Variants in ZNF521 observed in about 807,000 individuals in gnomAD.
ZNF521 encodes the protein zinc finger protein 521, also known as LYST-interacting protein 3.
A neutral mutation model predicts 105.5 loss-of-function variants in ZNF521; 14 were observed. The ratio of observed to expected loss-of-function variants is 0.13; its 90% confidence interval spans 0.09 to 0.21. The LOEUF is 0.21. Among genes scored for constraint, ZNF521 ranks in the 10% least tolerant of loss-of-function variants. The pLI is 1.00. For synonymous variants in ZNF521, 635 were observed against 606.0 expected, an observed-to-expected ratio of 1.05 and a Z score of -0.70; for missense variants, 1,233 against 1,629.7, an observed-to-expected ratio of 0.76 and a Z score of 4.19.
At chr18:25,279,165 G>C (rs1251910460) in intron 3 of ZNF521, among the ~76,000 whole-genome samples, 1 of 152,192 alleles carries the variant, frequency 6.6e-6, no homozygotes, top group Non-Finnish European at 1.5e-5. Context: ...ACAGGAGAGA[G>C]AGTGGCATTG....
chr18:25,139,338 A>C (rs1380092813), intron 5 of ZNF521, among the ~76,000 whole-genome samples: 2 of 132,422 alleles, frequency 1.5e-5, no homozygotes, highest in African/African-American at 2.8e-5. Context: ...ACACCACTGC[A>C]CTCTAGCCTG....
intron 3 of ZNF521, among the ~76,000 whole-genome samples, chr18:25,291,761 C>A (rs868255032): frequency 6.6e-6 from 1 of 152,046 alleles, no homozygotes; most frequent in Non-Finnish European, 1.5e-5. Flanking sequence ...ACAACATAAG[C>A]CTCTACAAGT....
At chr18:25,073,108 T>C (rs1302689022) in intron 7 of ZNF521, among the ~76,000 whole-genome samples, 1 of 152,068 alleles carries the variant, frequency 6.6e-6, no homozygotes, top group Non-Finnish European at 1.5e-5. Context: ...CTCCGCCAGC[T>C]CTCGGTGCAC....
intron 5 of ZNF521, among the ~76,000 whole-genome samples, chr18:25,132,562 T>C (rs138674661): frequency 1.3e-3 from 205 of 152,316 alleles, no homozygotes; most frequent in Non-Finnish European, 2.3e-3. Flanking sequence ...CACTGCTGGC[T>C]GTGCTTTACA....
intron 3 of ZNF521, among the ~76,000 whole-genome samples, chr18:25,304,483 CTT>C: frequency 6.6e-6 from 1 of 152,292 alleles, no homozygotes; most frequent in African/African-American, 2.4e-5. Context: ...ACCTACAGCA[CTT>C]TTTACACACA....
intron 4 of ZNF521, 182 bp downstream of exon 4, chr18:25,224,163 G>T: frequency 1.6e-6 from 1 of 630,174 alleles, no homozygotes; most frequent in Non-Finnish European, 2.8e-6. Context: ...AAGCCAAAAT[G>T]CTGCTTATCA....
chr18:25,267,207 C>T (rs1054532370), intron 3 of ZNF521, among the ~76,000 whole-genome samples: 1 of 152,104 alleles, frequency 6.6e-6, no homozygotes. Context: ...AAGGCCTCTG[C>T]GGCCAGACTG....
intron 2 of ZNF521, among the ~76,000 whole-genome samples, chr18:25,341,440 A>T (rs1914195196): frequency 6.6e-6 from 1 of 152,178 alleles, no homozygotes; most frequent in Non-Finnish European, 1.5e-5. Flanking sequence ...AATTTAGAAA[A>T]TTAATTAGCT....
At chr18:25,073,157 C>T (rs1567949102) in intron 7 of ZNF521, among the ~76,000 whole-genome samples, 3 of 152,042 alleles carry the variant, frequency 2.0e-5, no homozygotes, top group Admixed American at 2.0e-4. Flanking sequence ...TTCAAGCATC[C>T]CCTTCCCAGT....
rs577887121 is a variant in ZNF521 at position 25,164,121 on chromosome 18, G to A, written c.3658+31039C>T. Among the ~76,000 whole-genome samples the A allele has an allele frequency of 8.5e-5, 13 of 152,306 alleles. No individual in the cohort carries two copies. In the East Asian group the frequency reaches 1.5e-3, roughly 18 times the overall value. On this transcript the variant is annotated intron_variant, in intron 5 of 7. Coordinates refer to ENST00000361524, the MANE Select transcript of ZNF521 (RefSeq NM_015461.3). ...AATGTGAAAGTGAAGCTAACAATTG[G>A]TATTTGTTCTAGGGTGGTATCCCCC...
At chr18:25,242,162 G>A (rs1907382038) in intron 3 of ZNF521, among the ~76,000 whole-genome samples, 1 of 152,064 alleles carries the variant, frequency 6.6e-6, no homozygotes, top group Non-Finnish European at 1.5e-5. Context: ...ATTATTCAAG[G>A]AGCAATTTGG....
chr18:25,163,721 G>A (rs2035288998), intron 5 of ZNF521, among the ~76,000 whole-genome samples: 2 of 152,114 alleles, frequency 1.3e-5, no homozygotes, highest in Non-Finnish European at 2.9e-5. Context: ...ATTTTGCCAA[G>A]TGAAAAAAAG....
chr18:25,346,576 G>A lies in ZNF521; in HGVS notation c.40+4331C>T, dbSNP rs188211825. ...GTTTACATTTCTTCTTTAAATTGCA[G>A]ACTAAGTTTTGCCACTCTATTACAT... On this transcript the variant is annotated intron_variant, in intron 2 of 7. Transcript: ENST00000361524. 2.5e-3 allele frequency among the ~76,000 whole-genome samples: 383 copies of A among 152,180 alleles called. 2 individuals carry two copies. The highest frequency in any genetic ancestry group is 2.4e-3 in the Non-Finnish European group (162 of 68,016).
intron 2 of ZNF521, among the ~76,000 whole-genome samples, chr18:25,337,903 T>C (rs1032372734): frequency 2.0e-5 from 3 of 152,246 alleles, no homozygotes; most frequent in Admixed American, 6.5e-5. Context: ...CAATGGATAC[T>C]GCAAAGTCAT....
At chr18:25,093,699 C>T (rs537851983) in intron 5 of ZNF521, among the ~76,000 whole-genome samples, 25 of 152,248 alleles carry the variant, frequency 1.6e-4, no homozygotes, top group African/African-American at 6.0e-4. Flanking sequence ...GAGATAAAAA[C>T]CTACTCTGTA....
At chr18:25,282,312 G>A (rs1182144142) in intron 3 of ZNF521, among the ~76,000 whole-genome samples, 1 of 152,148 alleles carries the variant, frequency 6.6e-6, no homozygotes, top group African/African-American at 2.4e-5. Flanking sequence ...AGAGGAGTAG[G>A]GAGAAGCAGG....
intron 3 of ZNF521, among the ~76,000 whole-genome samples, chr18:25,298,464 A>C (rs1911446238): frequency 6.6e-6 from 1 of 152,204 alleles, no homozygotes; most frequent in South Asian, 2.1e-4. Flanking sequence ...AGTCTCAAAT[A>C]AAGTGATGCA....
intron 5 of ZNF521, among the ~76,000 whole-genome samples, chr18:25,095,591 T>C (rs1032498272): frequency 6.6e-6 from 1 of 152,130 alleles, no homozygotes; most frequent in South Asian, 2.1e-4. Flanking sequence ...ATTTGCCTTG[T>C]AGGGTACTTT....
Position 25,322,151 on chromosome 18 carries a change from C to T in ZNF521, c.77G>A (p.Gly26Glu). The change falls in exon 3 of 8, where the codon GGA becomes GAA. Residue 26 changes from glycine (G) to glutamate (E), a missense_variant. By Grantham distance (98) the Gly-to-Glu change is moderately conservative (BLOSUM62 -2). Transcript: ENST00000361524. Reference sequence around the variant, plus strand: ...CCTCTTCTTACAATCTAGTGCCTCTCCATCTTCAGTCTTGTCTTCAAGTTT... The same window carrying T: ...CCTCTTCTTACAATCTAGTGCCTCTTCATCTTCAGTCTTGTCTTCAAGTTT... ...NCKLEDKTED[G>E]EALDCKKRPE... 6.2e-7 allele frequency: 1 copy of T among 1,614,156 alleles called. No homozygotes were observed. The highest frequency in any genetic ancestry group is 8.5e-7 in the Non-Finnish European group (1 of 1,180,024).
Sources: allele counts gnomAD v4.1 joint callset (sites outside exome capture counted in the v4.1 genomes callset), GRCh38; gene constraint gnomAD v4.1.1; transcripts MANE v1.5; gene names NCBI Gene and HGNC (gene_info 2026-07-23, HGNC 2026-07-21).